RXRA: variants seen among roughly 807,000 people sequenced by gnomAD.
RXRA encodes the protein retinoic acid receptor RXR-alpha.
In RXRA, 5 loss-of-function variants were observed where a neutral mutation model predicts 44.5. The observed-to-expected ratio is 0.11, with a 90% CI of 0.06 to 0.24. The LOEUF (loss-of-function observed/expected upper bound fraction) is 0.24. RXRA is among the 10% of genes least tolerant of loss of function. The pLI, the probability that RXRA is intolerant of heterozygous loss-of-function variation, is 1.00. For synonymous variants in RXRA, 291 were observed against 271.4 expected, an observed-to-expected ratio of 1.07 and a Z score of -0.71; for missense variants, 412 against 646.5, an observed-to-expected ratio of 0.64 and a Z score of 3.93.
In RXRA at chr9:134,352,111, C is replaced by T. The variant is rs76461874; in HGVS notation, c.28+25452C>T. ...AGTCAGAGGCTGTCGAAGGCAGAGT[C>T]GGGCTGGGGTGCAGCAAGGGGAGGG... On this transcript the variant is annotated intron_variant, in intron 1 of 9. Coordinates refer to ENST00000481739, the MANE Select transcript of RXRA (RefSeq NM_002957.6). 9.9e-3 allele frequency among the ~76,000 whole-genome samples: 1,510 copies of T among 152,208 alleles called. 28 individuals are homozygous for T. The highest frequency in any genetic ancestry group is 0.034 in the African/African-American group (1,428 of 41,542).
chr9:134,351,741 C>G (rs1364659492), intron 1 of RXRA, among the ~76,000 whole-genome samples: 1 of 152,232 alleles, frequency 6.6e-6, no homozygotes, highest in Non-Finnish European at 1.5e-5. Flanking sequence ...ATGTAATAAC[C>G]AATCCGCTGC....
chr9:134,363,988 C>T (rs746428884), intron 1 of RXRA, among the ~76,000 whole-genome samples: 12 of 152,276 alleles, frequency 7.9e-5, no homozygotes, highest in African/African-American at 1.2e-4. Context: ...ATACTGGGTC[C>T]GTGCCGGGCT....
chr9:134,336,178 C>T lies in RXRA; in HGVS notation c.28+9519C>T, dbSNP rs141112032. Among the ~76,000 whole-genome samples the T allele has an allele frequency of 9.0e-3, 1,378 of 152,296 alleles. 8 individuals carry two copies. The highest frequency in any genetic ancestry group is 0.015 in the Non-Finnish European group (1,010 of 68,016). ...AGGCGGGCCTGGCAGGCAGCACCAC[C>T]GCACCATCCCGGGCCCAGTGGAGGG... On this transcript the variant is annotated intron_variant, in intron 1 of 9. Coordinates refer to ENST00000481739, the MANE Select transcript of RXRA (RefSeq NM_002957.6).
rs1023630183 is a variant in RXRA, at chr9:134,343,780, C to G, written c.28+17121C>G. 6.6e-6 allele frequency among the ~76,000 whole-genome samples: 1 copy of G among 152,096 alleles called. No individual in the cohort carries two copies. Among genetic ancestry groups the G allele is most frequent in the Admixed American group, 6.5e-5 (1 of 15,270 alleles). ...CGCGGCACTGAGCTGAGGGAGCCTG[C>G]GTTCTTCCTTCAAGCAGAGGATCTT... On this transcript the variant is annotated intron_variant, in intron 1 of 9. Transcript: ENST00000481739. This position sits in a 1 kb window ranked among gnomAD's most constrained non-coding sequence, Gnocchi z 4.1.
chr9:134,364,860 G>A lies in RXRA; in HGVS notation c.29-36772G>A, dbSNP rs115474674. On this transcript the variant is annotated intron_variant, in intron 1 of 9. Coordinates refer to ENST00000481739, the MANE Select transcript of RXRA (RefSeq NM_002957.6). The stretch of plus-strand genomic sequence containing the variant: ...TGGCTGGGGGAGAGGAGCCAGGAGC[G>A]TGGACTTTGGCATCCCAGGCTGGGG... Among the ~76,000 whole-genome samples, 180 of 152,352 alleles carry A rather than the reference G, an allele frequency of 1.2e-3. 1 individual carries two copies. The highest frequency in any genetic ancestry group is 4.0e-3 in the African/African-American group (168 of 41,584).
chr9:134,331,462 C>T (rs1835004516), intron 1 of RXRA, among the ~76,000 whole-genome samples: 1 of 152,204 alleles, frequency 6.6e-6, no homozygotes, highest in African/African-American at 2.4e-5. Flanking sequence ...CAGGCTCTCA[C>T]CTGGCGCTGT....
chr9:134,327,654 C>A (rs1392696812), intron 1 of RXRA, among the ~76,000 whole-genome samples: 1 of 152,176 alleles, frequency 6.6e-6, no homozygotes, highest in Non-Finnish European at 1.5e-5. Context: ...GCCCACCCTC[C>A]CTGCAGCCTG....
Position 134,429,172 on chromosome 9 carries a change from C to T in RXRA, c.975C>T (p.Leu325=), listed in dbSNP as rs898280705. 6.2e-7 allele frequency: 1 copy of T among 1,613,122 alleles called. No individual in the cohort carries two copies. Among genetic ancestry groups the T allele is most frequent in the Non-Finnish European group, 8.5e-7 (1 of 1,179,990 alleles). ...CCATCGCCGTGAAGGACGGGATCCT[C>T]CTGGCCACCGGGCTGCACGTCCACC... ...HRSIAVKDGI[L]LATGLHVHRN... is the part of the protein sequence containing the mutation. The change falls in exon 7 of 10, where the codon CTC becomes CTT. Residue 325 remains leucine, a synonymous_variant. Coordinates refer to ENST00000481739, the MANE Select transcript of RXRA (RefSeq NM_002957.6).
chr9:134,357,394 C>A (rs924071089), intron 1 of RXRA, among the ~76,000 whole-genome samples: 2 of 152,232 alleles, frequency 1.3e-5, no homozygotes, highest in African/African-American at 4.8e-5. Flanking sequence ...AGCTGATTCG[C>A]ACCTTGGCCC....
rs115647947 is a variant in RXRA, at chr9:134,366,194, G to A, written c.29-35438G>A. 0.014 allele frequency among the ~76,000 whole-genome samples: 2,124 copies of A among 152,288 alleles called. 49 individuals carry two copies. The highest frequency in any genetic ancestry group is 0.049 in the African/African-American group (2,023 of 41,546). ...GCGGCAGAGCCTCTGGTGGCTCCGT[G>A]TGGCATGTTCTGGGCTGTGTGTGGG... On this transcript the variant is annotated intron_variant, in intron 1 of 9. Transcript: ENST00000481739. The surrounding 1 kb of genome is among the most constrained non-coding windows in gnomAD (Gnocchi z 5.9).
At chr9:134,435,293 G>C (rs1588312659) in intron 9 of RXRA, among the ~76,000 whole-genome samples, 2 of 152,288 alleles carry the variant, frequency 1.3e-5, no homozygotes, top group East Asian at 3.9e-4. Flanking sequence ...AGGGACACCT[G>C]GTTCCGTCCC....
At chr9:134,330,648 C>T (rs1192754146) in intron 1 of RXRA, among the ~76,000 whole-genome samples, 2 of 152,166 alleles carry the variant, frequency 1.3e-5, no homozygotes, top group Admixed American at 1.3e-4. Context: ...GCCTTTGTTA[C>T]CTGCAGGATG....
At chr9:134,392,009 A>G (rs1025126908) in intron 1 of RXRA, among the ~76,000 whole-genome samples, 6 of 152,206 alleles carry the variant, frequency 3.9e-5, no homozygotes, top group African/African-American at 1.4e-4. Flanking sequence ...GCTGCGGCCT[A>G]CGGCAGCTCT....
intron 7 of RXRA, 130 bp from the exon 8 acceptor site, chr9:134,431,775 C>A: frequency 3.1e-6 from 2 of 646,400 alleles, no homozygotes; most frequent in African/African-American, 2.1e-5. Flanking sequence ...GGAGTCCTTG[C>A]CTTGGCTTGG....
At chr9:134,387,830 G>A (rs958127991) in intron 1 of RXRA, among the ~76,000 whole-genome samples, 1 of 152,166 alleles carries the variant, frequency 6.6e-6, no homozygotes, top group African/African-American at 2.4e-5. Flanking sequence ...CCCCAAGCCC[G>A]TGCCTCGCTT....
At chr9:134,348,534 G>T (rs1830182296) in intron 1 of RXRA, among the ~76,000 whole-genome samples, 1 of 152,194 alleles carries the variant, frequency 6.6e-6, no homozygotes, top group African/African-American at 2.4e-5. Context: ...GTCACGGGCA[G>T]AATGTTGATC....
chr9:134,370,371 C>T (rs1199543785), intron 1 of RXRA, among the ~76,000 whole-genome samples: 5 of 152,194 alleles, frequency 3.3e-5, no homozygotes, highest in East Asian at 1.9e-4. Flanking sequence ...CCTCCCTGCC[C>T]GGCTGGTTCC....
chr9:134,336,876 G>A (rs1554747380), intron 1 of RXRA, among the ~76,000 whole-genome samples: 2 of 152,206 alleles, frequency 1.3e-5, no homozygotes, highest in African/African-American at 4.8e-5. Context: ...TCTGGAGGCC[G>A]GTCCAGTTTC....
At chr9:134,405,491 G>C (rs1045545191) in intron 2 of RXRA, 1 of 152,356 alleles carries the variant, frequency 6.6e-6, no homozygotes, top group South Asian at 2.1e-4. Flanking sequence ...GAGGGGGACC[G>C]TCTGCCATTC....
Sources: gnomAD v4.1 joint callset for allele counts (sites outside exome capture counted in the v4.1 genomes callset) on GRCh38, gnomAD v4.1.1 for gene constraint, Gnocchi (gnomAD v3.1) non-coding constraint, MANE v1.5 for transcripts, NCBI Gene and HGNC (gene_info 2026-07-23, HGNC 2026-07-21) for gene names.